Variants in NFIL3 observed in about 807,000 individuals in gnomAD.
The protein encoded by NFIL3 is nuclear factor, interleukin 3 regulated.
Under a neutral mutation model 10.0 loss-of-function variants are expected in NFIL3, and 5 were observed. The observed-to-expected ratio is 0.50, with a 90% CI of 0.26 to 1.06. The LOEUF (loss-of-function observed/expected upper bound fraction) is 1.06. Among genes scored for constraint, NFIL3 ranks in the 50% least tolerant of loss-of-function variants. The probability of loss-of-function intolerance (pLI) is 0.13; values close to 1 mark genes in which losing one functional copy is unlikely to be tolerated. For synonymous variants in NFIL3, 202 were observed against 206.5 expected, an observed-to-expected ratio of 0.98 and a Z score of 0.19; for missense variants, 436 against 547.6, an observed-to-expected ratio of 0.80 and a Z score of 2.03.
At chr9:91,412,029 G>A (rs1833559963) in intron 1 of NFIL3, among the ~76,000 whole-genome samples, 1 of 148,562 alleles carries the variant, frequency 6.7e-6, no homozygotes, top group Admixed American at 6.8e-5. Context: ...TTGAACCTGG[G>A]AGGCAGAGAT....
the NFIL3 span, among the ~76,000 whole-genome samples, chr9:91,452,172 C>T: frequency 0.031 from 4,680 of 152,210 alleles, 99 homozygotes; most frequent in East Asian, 0.093. Flanking sequence ...CAACACAGAT[C>T]TTAAGTCTGA....
At chr9:91,417,321 T>G (rs575102674) in intron 1 of NFIL3, among the ~76,000 whole-genome samples, 1 of 152,308 alleles carries the variant, frequency 6.6e-6, no homozygotes, top group East Asian at 1.9e-4. Context: ...AAACCTAAGT[T>G]ATGTTAAACT....
At chr9:91,421,295 A>C (rs914723434) in intron 1 of NFIL3, among the ~76,000 whole-genome samples, 1 of 148,876 alleles carries the variant, frequency 6.7e-6, no homozygotes, top group Non-Finnish European at 1.5e-5. Flanking sequence ...CCCAGAGCGC[A>C]CCCGTACGCC....
chr9:91,456,125 T>C, the NFIL3 span, among the ~76,000 whole-genome samples: 1 of 152,244 alleles, frequency 6.6e-6, no homozygotes, highest in Admixed American at 6.5e-5. Flanking sequence ...CTTTTTATTG[T>C]TGAATATTAT....
chr9:91,427,270 C>T (rs1158564145), upstream of NFIL3: 3 of 152,184 alleles, frequency 2.0e-5, no homozygotes, highest in East Asian at 1.9e-4. Context: ...TACCCAGAGG[C>T]TGGACAGTCT....
chr9:91,449,227 T>C, the NFIL3 span, among the ~76,000 whole-genome samples: 1 of 152,296 alleles, frequency 6.6e-6, no homozygotes, highest in African/African-American at 2.4e-5. Context: ...TGGCTAAAAC[T>C]TAACTATACA....
In NFIL3 at chr9:91,410,608, C is replaced by G. The variant is rs764256859; in HGVS notation, c.127G>C (p.Glu43Gln). The change falls in exon 2 of 2, where the codon GAG (glutamate) becomes CAG (glutamine). Residue 43 changes from glutamate (E) to glutamine (Q), a missense_variant. By Grantham distance (29) the Glu-to-Gln change is conservative. Transcript: ENST00000297689. This position sits in a 1 kb window ranked among gnomAD's most constrained non-coding sequence, Gnocchi z 5.7. ...CTTCCTTCACTGAGAAGCAGCTCCTCACCTGTTGTGGAGTCTTCTGACACT... is the reference window on the plus strand; with the variant it reads ...CTTCCTTCACTGAGAAGCAGCTCCTGACCTGTTGTGGAGTCTTCTGACACT... ...TEVSEDSTTG[E>Q]ELLLSEGSVG... 2 of 1,614,134 alleles carry G rather than the reference C, an allele frequency of 1.2e-6. No individual in the cohort carries two copies. The highest frequency in any genetic ancestry group is 2.7e-5 in the African/African-American group (2 of 74,960).
chr9:91,428,359 C>G (rs1833891441), upstream of NFIL3, among the ~76,000 whole-genome samples: 2 of 152,118 alleles, frequency 1.3e-5, no homozygotes, highest in African/African-American at 4.8e-5. Context: ...TTGCTCTTGC[C>G]ACCTACCTAT....
the NFIL3 span, among the ~76,000 whole-genome samples, chr9:91,474,327 T>C: frequency 6.6e-6 from 1 of 152,174 alleles, no homozygotes; most frequent in East Asian, 1.9e-4. Flanking sequence ...TCTTTTTATA[T>C]ATTATTTGAT....
the NFIL3 span, among the ~76,000 whole-genome samples, chr9:91,445,588 T>C: frequency 1.3e-5 from 2 of 152,062 alleles, no homozygotes; most frequent in African/African-American, 4.8e-5. Flanking sequence ...CTCCAGAGTA[T>C]GGCTACACAC....
the NFIL3 span, among the ~76,000 whole-genome samples, chr9:91,464,091 C>A: frequency 3.3e-5 from 5 of 152,032 alleles, no homozygotes; most frequent in African/African-American, 1.2e-4. Context: ...TATTAACCCT[C>A]ACCAAAAATT....
the NFIL3 span, among the ~76,000 whole-genome samples, chr9:91,479,903 G>C: frequency 1.3e-5 from 2 of 152,140 alleles, no homozygotes; most frequent in Non-Finnish European, 2.9e-5. Context: ...TTGGTTAGGG[G>C]AGGGAGTTCC....
chr9:91,469,652 C>T, the NFIL3 span, among the ~76,000 whole-genome samples: 54 of 152,194 alleles, frequency 3.5e-4, no homozygotes, highest in South Asian at 1.7e-3. Flanking sequence ...ATTCAGTATG[C>T]TATTGGCTTT....
At chr9:91,482,505 A>C in the NFIL3 span, among the ~76,000 whole-genome samples, 4,715 of 151,898 alleles carry the variant, frequency 0.031, 204 homozygotes, top group East Asian at 0.13. Context: ...TAACCAAAAA[A>C]AATTTTTTTT....
chr9:91,423,273 G>T (rs1406618529), intron 1 of NFIL3, among the ~76,000 whole-genome samples: 1 of 152,170 alleles, frequency 6.6e-6, no homozygotes, highest in Admixed American at 6.5e-5. Flanking sequence ...AGAGAGGAAA[G>T]AGCATCTTCC....
intron 1 of NFIL3, among the ~76,000 whole-genome samples, chr9:91,418,043 G>A (rs1167205627): frequency 1.3e-5 from 2 of 152,156 alleles, no homozygotes; most frequent in African/African-American, 4.8e-5. Context: ...TTAAGTAATT[G>A]AAATATGAAA....
the NFIL3 span, among the ~76,000 whole-genome samples, chr9:91,442,031 C>T: frequency 6.6e-6 from 1 of 152,150 alleles, no homozygotes; most frequent in Admixed American, 6.5e-5. Flanking sequence ...TACTACTCCT[C>T]ACTAGTTTTA....
the NFIL3 span, among the ~76,000 whole-genome samples, chr9:91,474,226 G>A: frequency 9.2e-5 from 14 of 151,976 alleles, no homozygotes; most frequent in African/African-American, 3.1e-4. Context: ...CTTCTTTAAT[G>A]TGTTGATATG....
rs144240208 is a variant in NFIL3, at chr9:91,416,820, G to C, written c.-172-5914C>G. 3.7e-3 allele frequency among the ~76,000 whole-genome samples: 561 copies of C among 152,250 alleles called. 6 individuals carry two copies. Among genetic ancestry groups the C allele is most frequent in the South Asian group, 0.011 (51 of 4,824 alleles). The stretch of plus-strand genomic sequence containing the variant: ...GCCCAGATTTTTAAAGTTTAAGTCA[G>C]ATTACCCTATTGTTTTTAATTAAGT... On this transcript the variant is annotated intron_variant, in intron 1 of 1. Coordinates refer to ENST00000297689, the MANE Select transcript of NFIL3 (RefSeq NM_005384.3).
Sources: gnomAD v4.1 joint callset for allele counts (sites outside exome capture counted in the v4.1 genomes callset) on GRCh38, gnomAD v4.1.1 for gene constraint, Gnocchi (gnomAD v3.1) non-coding constraint, MANE v1.5 for transcripts, NCBI Gene and HGNC (gene_info 2026-07-23, HGNC 2026-07-21) for gene names.